Variants in TRIM5 observed in about 807,000 individuals in gnomAD.
The protein encoded by TRIM5 is tripartite motif containing 5.
A neutral mutation model predicts 35.6 loss-of-function variants in TRIM5; 31 were observed. That is an observed-to-expected ratio of 0.87 (90% CI 0.65 to 1.18). The LOEUF (loss-of-function observed/expected upper bound fraction) is 1.18. Among genes scored for constraint, TRIM5 ranks in the 50% most tolerant of loss-of-function variants. The pLI is 0.00. For synonymous variants in TRIM5, 243 were observed against 215.6 expected, an observed-to-expected ratio of 1.13 and a Z score of -1.11; for missense variants, 609 against 591.6, an observed-to-expected ratio of 1.03 and a Z score of -0.31.
chr11:5,605,491 A>G, the TRIM5 span: 1 of 1,614,180 alleles, frequency 6.2e-7, no homozygotes, highest in South Asian at 1.1e-5. Flanking sequence ...GATCTGGTCC[A>G]CCAGACCCAG....
chr11:5,611,484 C>T, the TRIM5 span: 208 of 764,646 alleles, frequency 2.7e-4, no homozygotes, highest in African/African-American at 3.1e-3. Context: ...GATGGAATCT[C>T]GCTCTGTCGC....
chr11:5,597,700 A>T, the TRIM5 span, among the ~76,000 whole-genome samples: 1 of 152,176 alleles, frequency 6.6e-6, no homozygotes, highest in Non-Finnish European at 1.5e-5. Context: ...CAGCCCCAGT[A>T]TCCCCTGCTG....
the TRIM5 span, chr11:5,645,994 T>C: frequency 6.6e-6 from 1 of 150,848 alleles, no homozygotes; most frequent in African/African-American, 2.5e-5. Context: ...ATGTGTAATT[T>C]ATAATTATAT....
At chr11:5,659,148 TAA>T (rs377587371), downstream of TRIM5, among the ~76,000 whole-genome samples, 1 of 146,432 alleles carries the variant, frequency 6.8e-6, no homozygotes, top group Non-Finnish European at 1.5e-5. Flanking sequence ...ACTTAAAGTA[TAA>T]AAAAAAAGAG....
At chr11:5,645,867 G>GA in the TRIM5 span, 22,602 of 135,360 alleles carry the variant, frequency 0.17, 1,912 homozygotes, top group East Asian at 0.3. Flanking sequence ...TAGTCTTCTG[G>GA]AAAAAAAAAA....
At chr11:5,595,320 G>A in the TRIM5 span, 1 of 152,232 alleles carries the variant, frequency 6.6e-6, no homozygotes. Flanking sequence ...GAGTTCTGAG[G>A]CTCAATAAGC....
At chr11:5,608,813 C>T in the TRIM5 span, among the ~76,000 whole-genome samples, 1 of 149,806 alleles carries the variant, frequency 6.7e-6, no homozygotes, top group African/African-American at 2.5e-5. Flanking sequence ...TTTATAGTTA[C>T]CTCAAAATAC....
chr11:5,589,580 T>G, the TRIM5 span: 1 of 152,170 alleles, frequency 6.6e-6, no homozygotes, highest in African/African-American at 2.4e-5. Context: ...CTTCGGCATG[T>G]GTTCATTTTA....
the TRIM5 span, among the ~76,000 whole-genome samples, chr11:5,601,321 T>C: frequency 1.2e-4 from 19 of 152,346 alleles, no homozygotes; most frequent in African/African-American, 3.8e-4. Context: ...AGGTGCATGA[T>C]TGTGTAAAGT....
chr11:5,605,642 C>G, the TRIM5 span: 1 of 1,489,402 alleles, frequency 6.7e-7, no homozygotes, highest in African/African-American at 1.4e-5. Context: ...TCTGGGACAT[C>G]AGACTACCAT....
At chr11:5,592,670 A>C in the TRIM5 span, among the ~76,000 whole-genome samples, 3 of 152,146 alleles carry the variant, frequency 2.0e-5, no homozygotes, top group African/African-American at 7.2e-5. Flanking sequence ...TAATCCCAGC[A>C]CTTTGGGAGA....
the TRIM5 span, chr11:5,608,293 G>T: frequency 8.8e-6 from 14 of 1,592,266 alleles, no homozygotes; most frequent in Non-Finnish European, 1.2e-5. Context: ...ATATCATGGG[G>T]TAGGGGACAT....
chr11:5,665,443 T>C, intron 7 of TRIM5, 48 bp from the exon 8 acceptor site: 2 of 1,550,292 alleles, frequency 1.3e-6, no homozygotes, highest in South Asian at 2.5e-5. Context: ...GTAACTTTAT[T>C]TGTGATATGA....
intron 4 of TRIM5, among the ~76,000 whole-genome samples, chr11:5,669,692 C>T (rs1851430701): frequency 6.6e-6 from 1 of 152,126 alleles, no homozygotes; most frequent in Admixed American, 6.5e-5. Context: ...AAACTCAAAC[C>T]TTGTCATCAA....
the TRIM5 span, chr11:5,642,802 C>A: frequency 6.2e-7 from 1 of 1,613,846 alleles, no homozygotes; most frequent in Non-Finnish European, 8.5e-7. Flanking sequence ...ATCACTGAAT[C>A]TTTTATTATT....
chr11:5,664,763 C>A lies in TRIM5; in HGVS notation c.*46G>T. 1 of 1,523,680 alleles carries A rather than the reference C, an allele frequency of 6.6e-7. No individual in the cohort carries two copies. Among genetic ancestry groups the A allele is most frequent in the Non-Finnish European group, 8.8e-7 (1 of 1,140,868 alleles). The allele number at this position is 1,523,680 out of a possible 1,614,324, so 94.4% of individuals were successfully genotyped here. A position where few individuals can be genotyped will look rare whatever the true frequency, so the allele number is the denominator to read the frequency against. On this transcript the variant is annotated 3_prime_UTR_variant, in exon 8 of 8. Coordinates refer to ENST00000380034, the MANE Select transcript of TRIM5 (RefSeq NM_033034.3). ...ATGAGTTCAGGTGTATGAGATGCACCTGGACAAGAGGTGCTGTACAGAAGG... is the reference window on the plus strand; with the variant it reads ...ATGAGTTCAGGTGTATGAGATGCACATGGACAAGAGGTGCTGTACAGAAGG...
chr11:5,602,803 A>T, the TRIM5 span, among the ~76,000 whole-genome samples: 47 of 151,204 alleles, frequency 3.1e-4, no homozygotes, highest in Non-Finnish European at 6.4e-4. Context: ...AAAATACAAA[A>T]ACTAGCCAGG....
At chr11:5,671,823 TTG>T (rs1851610858) in intron 4 of TRIM5, among the ~76,000 whole-genome samples, 1 of 136,238 alleles carries the variant, frequency 7.3e-6, no homozygotes, top group Non-Finnish European at 1.5e-5. Context: ...TGGGGAAAAA[TTG>T]TTACATTCTA....
At chr11:5,654,942 G>C in the TRIM5 span, among the ~76,000 whole-genome samples, 1 of 152,104 alleles carries the variant, frequency 6.6e-6, no homozygotes, top group African/African-American at 2.4e-5. Context: ...TGTAATCCCA[G>C]CACTTTGGAA....
Sources: gnomAD v4.1 joint callset for allele counts (sites outside exome capture counted in the v4.1 genomes callset) on GRCh38, gnomAD v4.1.1 for gene constraint, MANE v1.5 for transcripts, NCBI Gene and HGNC (gene_info 2026-07-23, HGNC 2026-07-21) for gene names.